PRKG1: variants seen among roughly 807,000 people sequenced by gnomAD.
PRKG1 encodes protein kinase cGMP-dependent 1.
PRKG1 carries 35 observed loss-of-function variants against 88.1 expected under a neutral mutation model. That is an observed-to-expected ratio of 0.40 (90% CI 0.30 to 0.53). The LOEUF is 0.53. Ranked by LOEUF, PRKG1 falls within the 20% of genes least tolerant of loss-of-function variation. The pLI, the probability that PRKG1 is intolerant of heterozygous loss-of-function variation, is 0.59. For synonymous variants in PRKG1, 303 were observed against 292.5 expected, an observed-to-expected ratio of 1.04 and a Z score of -0.37; for missense variants, 540 against 839.8, an observed-to-expected ratio of 0.64 and a Z score of 4.41.
At chr10:52,045,785 C>T (rs1845849619) in intron 5 of PRKG1, among the ~76,000 whole-genome samples, 1 of 152,022 alleles carries the variant, frequency 6.6e-6, no homozygotes, top group South Asian at 2.1e-4. Context: ...TCTGAGTCAG[C>T]CCCAGAGGAA....
Position 51,734,687 on chromosome 10 carries a change from A to T in PRKG1, c.593-69898A>T, listed in dbSNP as rs549700813. Among the ~76,000 whole-genome samples, 4 of 152,344 alleles carry T rather than the reference A, an allele frequency of 2.6e-5. No individual in the cohort carries two copies. In the East Asian group the frequency reaches 7.7e-4, roughly 29 times the overall value. On this transcript the variant is annotated intron_variant, in intron 3 of 17. Transcript: ENST00000373980. ...AGGGATGGTAGGTCAAGATAAACACAGACTGAAATAATCCAAGAGGTATGG... is the reference window on the plus strand; with the variant it reads ...AGGGATGGTAGGTCAAGATAAACACTGACTGAAATAATCCAAGAGGTATGG...
chr10:51,898,591 T>C (rs1440424730), intron 4 of PRKG1, among the ~76,000 whole-genome samples: 2 of 152,064 alleles, frequency 1.3e-5, no homozygotes, highest in Non-Finnish European at 2.9e-5. Flanking sequence ...CTCCAACAGT[T>C]TGGGAGGCAA....
intron 2 of PRKG1, among the ~76,000 whole-genome samples, chr10:51,261,477 G>T (rs374645413): frequency 1.3e-5 from 2 of 152,154 alleles, no homozygotes; most frequent in East Asian, 3.8e-4. Context: ...AACCATTTCA[G>T]TGATAAACAA....
At chr10:51,437,047 A>T (rs1373743162) in intron 2 of PRKG1, among the ~76,000 whole-genome samples, 1 of 151,870 alleles carries the variant, frequency 6.6e-6, no homozygotes, top group African/African-American at 2.4e-5. Flanking sequence ...TTTGTTAGTC[A>T]CATTCTATCT....
At chr10:51,306,116 AT>A (rs1841029516) in intron 2 of PRKG1, among the ~76,000 whole-genome samples, 2 of 152,192 alleles carry the variant, frequency 1.3e-5, no homozygotes, top group African/African-American at 2.4e-5. Flanking sequence ...TTAGTGACTT[AT>A]TTAGGGCCTC....
chr10:52,275,825 T>C (rs1841860315), intron 12 of PRKG1, among the ~76,000 whole-genome samples: 1 of 152,132 alleles, frequency 6.6e-6, no homozygotes, highest in African/African-American at 2.4e-5. Flanking sequence ...GATGTTTGTG[T>C]CATTTGTGTC....
chr10:51,223,298 T>G (rs1838601645), intron 2 of PRKG1, among the ~76,000 whole-genome samples: 1 of 152,104 alleles, frequency 6.6e-6, no homozygotes, highest in African/African-American at 2.4e-5. Context: ...TCAAAATTAT[T>G]ATTTTAATAT....
intron 9 of PRKG1, among the ~76,000 whole-genome samples, chr10:52,178,642 TC>T (rs1328450320): frequency 6.6e-6 from 1 of 152,182 alleles, no homozygotes; most frequent in Non-Finnish European, 1.5e-5. Flanking sequence ...TCCCTTTAGA[TC>T]TAATAATATT....
intron 3 of PRKG1, among the ~76,000 whole-genome samples, chr10:51,766,150 G>A (rs566847880): frequency 2.1e-3 from 319 of 152,222 alleles, no homozygotes; most frequent in Admixed American, 4.6e-3. Context: ...TACAGCAAAA[G>A]TTTAATAAGT....
At chr10:51,213,493 G>A (rs1048066917) in intron 2 of PRKG1, among the ~76,000 whole-genome samples, 1 of 152,128 alleles carries the variant, frequency 6.6e-6, no homozygotes, top group Non-Finnish European at 1.5e-5. Context: ...AGTTATATAT[G>A]TCTTTCTAGC....
At chr10:52,007,889 CT>C (rs1222718748) in intron 5 of PRKG1, among the ~76,000 whole-genome samples, 2 of 152,062 alleles carry the variant, frequency 1.3e-5, no homozygotes, top group Admixed American at 1.3e-4. Context: ...TAAAATAGTA[CT>C]CAGCAAATGT....
intron 3 of PRKG1, among the ~76,000 whole-genome samples, chr10:51,746,633 G>C (rs545380150): frequency 2.0e-5 from 3 of 152,028 alleles, no homozygotes; most frequent in Non-Finnish European, 4.4e-5. Context: ...TGAGGCAGGA[G>C]AATCACTTGA....
At chr10:51,922,082 C>A (rs963444435) in intron 5 of PRKG1, among the ~76,000 whole-genome samples, 4 of 151,696 alleles carry the variant, frequency 2.6e-5, no homozygotes, top group Non-Finnish European at 5.9e-5. Context: ...GATTTAGTTT[C>A]TTTGATAGAT....
intron 8 of PRKG1, among the ~76,000 whole-genome samples, chr10:52,142,268 A>G (rs1366650454): frequency 6.6e-6 from 1 of 152,106 alleles, no homozygotes; most frequent in Non-Finnish European, 1.5e-5. Context: ...CCTACCCCAC[A>G]TTATTCTGTA....
chr10:51,955,500 C>A (rs1310995830), intron 5 of PRKG1, among the ~76,000 whole-genome samples: 1 of 152,158 alleles, frequency 6.6e-6, no homozygotes, highest in Non-Finnish European at 1.5e-5. Context: ...TTTCTTACTA[C>A]ATGCATTTGT....
chr10:51,143,511 A>G (rs1845871426), intron 1 of PRKG1, among the ~76,000 whole-genome samples: 1 of 151,992 alleles, frequency 6.6e-6, no homozygotes, highest in Non-Finnish European at 1.5e-5. Flanking sequence ...GTGGGATAAC[A>G]TGGTAGTTCT....
chr10:51,942,142 T>C (rs1362311815), intron 5 of PRKG1, among the ~76,000 whole-genome samples: 1 of 151,894 alleles, frequency 6.6e-6, no homozygotes, highest in Non-Finnish European at 1.5e-5. Flanking sequence ...ATGATTGCCA[T>C]TCTAACTGGT....
At chr10:51,294,788 G>C (rs981261695) in intron 2 of PRKG1, among the ~76,000 whole-genome samples, 1 of 151,946 alleles carries the variant, frequency 6.6e-6, no homozygotes, top group Non-Finnish European at 1.5e-5. Flanking sequence ...ATATTGCTTT[G>C]AGAGGCCAGG....
At chr10:51,555,505 C>G (rs7915117) in intron 3 of PRKG1, among the ~76,000 whole-genome samples, 140,723 of 151,978 alleles carry the variant, frequency 0.93, 65,235 homozygotes, top group East Asian at 1. Context: ...AGAAAGTCAA[C>G]TTAGTTATTT....
Sources: gnomAD v4.1 joint callset for allele counts (sites outside exome capture counted in the v4.1 genomes callset) on GRCh38, gnomAD v4.1.1 for gene constraint, MANE v1.5 for transcripts, NCBI Gene and HGNC (gene_info 2026-07-23, HGNC 2026-07-21) for gene names.